BTLA: variants seen among roughly 807,000 people sequenced by gnomAD.
The protein encoded by BTLA is B and T lymphocyte associated, also known as B- and T-lymphocyte attenuator.
In BTLA, 11 loss-of-function variants were observed where a neutral mutation model predicts 25.0. The observed-to-expected ratio is 0.44, with a 90% CI of 0.28 to 0.73. The LOEUF (loss-of-function observed/expected upper bound fraction) is 0.73. Ranked by LOEUF, BTLA falls within the 30% of genes least tolerant of loss-of-function variation. BTLA has a pLI of 0.15. For missense variants in BTLA, 282 were observed against 332.8 expected, an observed-to-expected ratio of 0.85 and a Z score of 1.19; for synonymous variants, 104 against 119.8, an observed-to-expected ratio of 0.87 and a Z score of 0.86.
chr3:112,495,149 A>AT lies in BTLA; in HGVS notation c.88+4121dup, dbSNP rs1451198110. On this transcript the variant is annotated intron_variant, in intron 1 of 4. Transcript: ENST00000334529. ...AACAACCTTATAAGATTATTCTCCC[A>AT]TTTTTTTAGATGAGAAAACTGAGAA... Among the ~76,000 whole-genome samples the AT allele has an allele frequency of 1.3e-5, 2 of 152,154 alleles. 1 individual carries two copies. The highest frequency in any genetic ancestry group is 4.1e-4 in the South Asian group (2 of 4,830).
chr3:112,466,445 A>G, intron 4 of BTLA, 62 bp from the exon 5 acceptor site: 4 of 1,420,400 alleles, frequency 2.8e-6, no homozygotes, highest in Non-Finnish European at 3.8e-6. Context: ...CATATTCATT[A>G]GCAAACTATG....
intron 4 of BTLA, among the ~76,000 whole-genome samples, chr3:112,468,930 T>C (rs2082244998): frequency 6.6e-6 from 1 of 152,158 alleles, no homozygotes. Flanking sequence ...GCTGTATCGA[T>C]TTTGTCTTTT....
At chr3:112,491,573 G>T (rs1350141349) in intron 1 of BTLA, among the ~76,000 whole-genome samples, 1 of 152,186 alleles carries the variant, frequency 6.6e-6, no homozygotes, top group African/African-American at 2.4e-5. Context: ...TAACCCAGGT[G>T]TGGCTAACTC....
At chr3:112,488,234 T>TC (rs966480102) in intron 1 of BTLA, among the ~76,000 whole-genome samples, 9 of 146,704 alleles carry the variant, frequency 6.1e-5, no homozygotes, top group African/African-American at 1.5e-4. Context: ...TTTTCTTTTT[T>TC]TTTTTTTTTT....
intron 1 of BTLA, among the ~76,000 whole-genome samples, chr3:112,481,157 C>T (rs2082316071): frequency 6.6e-6 from 1 of 152,192 alleles, no homozygotes; most frequent in South Asian, 2.1e-4. Flanking sequence ...GTTGATGCTT[C>T]AGCACTCACA....
At chr3:112,468,688 C>A (rs941657528) in intron 4 of BTLA, among the ~76,000 whole-genome samples, 2 of 151,988 alleles carry the variant, frequency 1.3e-5, no homozygotes, top group East Asian at 3.8e-4. Flanking sequence ...AGCTCCCTGG[C>A]CTTATTGTAA....
intron 1 of BTLA, among the ~76,000 whole-genome samples, chr3:112,484,159 G>A (rs940273015): frequency 1.5e-4 from 23 of 152,064 alleles, no homozygotes; most frequent in African/African-American, 5.6e-4. Context: ...AAAGTCTTAG[G>A]GACCAGGAAT....
chr3:112,497,452 C>A (rs1396038460), intron 1 of BTLA, among the ~76,000 whole-genome samples: 2 of 152,182 alleles, frequency 1.3e-5, no homozygotes, highest in Non-Finnish European at 2.9e-5. Flanking sequence ...CTAGGTTGCA[C>A]ATTGGGAGAA....
chr3:112,466,470 A>G, intron 4 of BTLA, 87 bp from the exon 5 acceptor site: 1 of 1,223,600 alleles, frequency 8.2e-7, no homozygotes, highest in African/African-American at 1.5e-5. Context: ...AAAAGCTTAA[A>G]TGGAGTCATG....
intron 1 of BTLA, among the ~76,000 whole-genome samples, chr3:112,495,847 G>A (rs1559831561): frequency 1.3e-5 from 2 of 152,066 alleles, no homozygotes; most frequent in Non-Finnish European, 2.9e-5. Flanking sequence ...TGTGGAACAC[G>A]GTGTTTAAAA....
chr3:112,495,224 A>C (rs2082402823), intron 1 of BTLA, among the ~76,000 whole-genome samples: 1 of 152,208 alleles, frequency 6.6e-6, no homozygotes, highest in Non-Finnish European at 1.5e-5. Context: ...ATAGGATACT[A>C]ATCCATGGAG....
chr3:112,490,181 C>G (rs2082372469), intron 1 of BTLA, among the ~76,000 whole-genome samples: 1 of 152,050 alleles, frequency 6.6e-6, no homozygotes, highest in African/African-American at 2.4e-5. Context: ...AGAAAGTATT[C>G]ATTTAATGTA....
chr3:112,472,838 G>A (rs1354137958), intron 2 of BTLA, among the ~76,000 whole-genome samples: 2 of 152,038 alleles, frequency 1.3e-5, no homozygotes, highest in African/African-American at 4.8e-5. Flanking sequence ...GTTGTCTATT[G>A]ATGTTGCAGC....
At position 112,490,447 on chromosome 3, in the gene BTLA, C is replaced by T. The variant is rs141937051; in HGVS notation, c.88+8824G>A. 1.4e-4 allele frequency among the ~76,000 whole-genome samples: 21 copies of T among 152,230 alleles called. No homozygotes were observed. The East Asian group carries it at 3.3e-3, about 24-fold the overall frequency. On this transcript the variant is annotated intron_variant, in intron 1 of 4. Transcript: ENST00000334529. ...CTTCTGTAAAATGAAAGTTTATTTA[C>T]ATATGTCTTTCCTGAAAAACAACAC...
intron 2 of BTLA, among the ~76,000 whole-genome samples, chr3:112,477,261 C>A (rs1183354168): frequency 2.6e-5 from 4 of 152,028 alleles, no homozygotes; most frequent in Non-Finnish European, 4.4e-5. Context: ...AACTGTTAGA[C>A]CACTTTCTAA....
intron 1 of BTLA, among the ~76,000 whole-genome samples, chr3:112,486,968 C>G (rs1173908445): frequency 6.6e-6 from 1 of 152,128 alleles, no homozygotes; most frequent in Non-Finnish European, 1.5e-5. Context: ...TATGTAGTAC[C>G]ACAGAGATGA....
Position 112,471,321 on chromosome 3 carries a change from G to A in BTLA, c.438C>T (p.Asp146=), listed in dbSNP as rs757507969. ...GGAGCCAGGGTCTGCTTGCCATTTC[G>A]TCCTTGGAGGGTCGTTCTGAGGCAC... ...VKSASERPSK[D]EMASRPWLLY... Residue 146 remains aspartate, a synonymous_variant, in exon 3 of 5, where the codon GAC becomes GAT. Transcript: ENST00000334529. 62 of 1,613,764 alleles carry A rather than the reference G, an allele frequency of 3.8e-5. 1 individual carries two copies. The highest frequency in any genetic ancestry group is 1.1e-4 in the South Asian group (10 of 91,060).
At chr3:112,475,942 A>G (rs990311577) in intron 2 of BTLA, among the ~76,000 whole-genome samples, 6 of 152,194 alleles carry the variant, frequency 3.9e-5, no homozygotes, top group Non-Finnish European at 8.8e-5. Context: ...TTGTCTCATT[A>G]ATGTGAATTA....
At chr3:112,483,378 C>G (rs148280821) in intron 1 of BTLA, among the ~76,000 whole-genome samples, 3 of 151,752 alleles carry the variant, frequency 2.0e-5, no homozygotes, top group Non-Finnish European at 4.4e-5. Context: ...GAACTCCCAA[C>G]CTGAGGTGAT....
Sources: allele counts gnomAD v4.1 joint callset (sites outside exome capture counted in the v4.1 genomes callset), GRCh38; gene constraint gnomAD v4.1.1; transcripts MANE v1.5; gene names NCBI Gene and HGNC (gene_info 2026-07-23, HGNC 2026-07-21).